ATXN1: variants seen among roughly 807,000 people sequenced by gnomAD.
ATXN1 encodes ataxin 1.
In ATXN1, 8 loss-of-function variants were observed where a neutral mutation model predicts 56.4. The ratio of observed to expected loss-of-function variants is 0.14; its 90% CI spans 0.08 to 0.26. ATXN1 has a LOEUF of 0.26. Among genes scored for constraint, ATXN1 ranks in the 10% least tolerant of loss-of-function variants. The pLI, the probability that ATXN1 is intolerant of heterozygous loss-of-function variation, is 1.00. For missense variants in ATXN1, 987 were observed against 1,106.5 expected, an observed-to-expected ratio of 0.89 and a Z score of 1.53; for synonymous variants, 514 against 494.6, an observed-to-expected ratio of 1.04 and a Z score of -0.52.
chr6:16,348,783 A>C (rs1258747507), intron 6 of ATXN1, among the ~76,000 whole-genome samples: 1 of 152,352 alleles, frequency 6.6e-6, no homozygotes, highest in East Asian at 1.9e-4. Flanking sequence ...CTAGCATGCA[A>C]GCAGGCAGTA....
Position 16,740,691 on chromosome 6 carries a change from T to A in ATXN1, c.-615+12542A>T, listed in dbSNP as rs147946010. 2.3e-4 allele frequency among the ~76,000 whole-genome samples: 35 copies of A among 152,232 alleles called. 1 individual carries two copies. Among genetic ancestry groups the A allele is most frequent in the South Asian group, 1.0e-3 (5 of 4,830 alleles). On this transcript the variant is annotated intron_variant, in intron 2 of 7. Coordinates refer to ENST00000436367, the MANE Select transcript of ATXN1 (RefSeq NM_001128164.2). ...CTATAAAAACATCTAACATATAATT[T>A]TTTATTTATTTATTTATTTTTTTTA...
chr6:16,452,925 A>C (rs1032673477), intron 6 of ATXN1, among the ~76,000 whole-genome samples: 2 of 152,236 alleles, frequency 1.3e-5, no homozygotes, highest in East Asian at 3.8e-4. Flanking sequence ...TTAGCTGACT[A>C]GATTTTTTAA....
intron 3 of ATXN1, among the ~76,000 whole-genome samples, chr6:16,587,888 G>A (rs919588355): frequency 1.9e-4 from 28 of 150,868 alleles, no homozygotes; most frequent in Non-Finnish European, 2.7e-4. Context: ...CTGAGATCGT[G>A]CCATTGCACT....
At chr6:16,552,585 G>A (rs2113729826) in intron 4 of ATXN1, among the ~76,000 whole-genome samples, 1 of 152,174 alleles carries the variant, frequency 6.6e-6, no homozygotes, top group African/African-American at 2.4e-5. Context: ...AGTGTAGGTG[G>A]GTTGCCACTC....
At chr6:16,344,181 C>A (rs1761323273) in intron 6 of ATXN1, among the ~76,000 whole-genome samples, 1 of 152,164 alleles carries the variant, frequency 6.6e-6, no homozygotes, top group East Asian at 1.9e-4. Flanking sequence ...CTCCTTAGCA[C>A]CCTGCTCCAA....
intron 3 of ATXN1, among the ~76,000 whole-genome samples, chr6:16,637,512 A>G (rs1480840054): frequency 6.6e-6 from 1 of 152,060 alleles, no homozygotes; most frequent in African/African-American, 2.4e-5. Context: ...TAAATAAAAT[A>G]AAATAAAAAA....
intron 6 of ATXN1, among the ~76,000 whole-genome samples, chr6:16,453,320 G>T (rs1442691895): frequency 6.6e-6 from 1 of 152,132 alleles, no homozygotes; most frequent in East Asian, 1.9e-4. Flanking sequence ...AATTAGCTGG[G>T]CGTAGTGGCA....
At chr6:16,360,929 A>G (rs2113474668) in intron 6 of ATXN1, among the ~76,000 whole-genome samples, 1 of 152,352 alleles carries the variant, frequency 6.6e-6, no homozygotes, top group East Asian at 1.9e-4. Flanking sequence ...AAGGAATAAC[A>G]CAAGGTAAGA....
At chr6:16,673,014 C>G (rs1758577090) in intron 2 of ATXN1, among the ~76,000 whole-genome samples, 1 of 122,422 alleles carries the variant, frequency 8.2e-6, no homozygotes, top group Non-Finnish European at 1.7e-5. Flanking sequence ...CTCCGTTCCC[C>G]CCCGCCAAAA....
chr6:16,604,089 G>A (rs893301064), intron 3 of ATXN1, among the ~76,000 whole-genome samples: 1 of 152,094 alleles, frequency 6.6e-6, no homozygotes, highest in African/African-American at 2.4e-5. Flanking sequence ...CATGGATAAG[G>A]CTTCGTAAAG....
chr6:16,515,001 T>A (rs1481983443), intron 5 of ATXN1, among the ~76,000 whole-genome samples: 2 of 151,022 alleles, frequency 1.3e-5, no homozygotes, highest in East Asian at 3.9e-4. Context: ...ATAATAATAA[T>A]AATTAATAAT....
intron 5 of ATXN1, among the ~76,000 whole-genome samples, chr6:16,498,910 G>A (rs1760826997): frequency 6.6e-6 from 1 of 152,136 alleles, no homozygotes. Context: ...AGACCCTTAT[G>A]AGATACTGAC....
intron 4 of ATXN1, among the ~76,000 whole-genome samples, chr6:16,572,441 C>T (rs1257283369): frequency 6.6e-6 from 1 of 152,148 alleles, no homozygotes; most frequent in Non-Finnish European, 1.5e-5. Context: ...AATACACCTA[C>T]GGTTCTGCCC....
chr6:16,543,335 C>T (rs2113719331), intron 4 of ATXN1, among the ~76,000 whole-genome samples: 1 of 152,252 alleles, frequency 6.6e-6, no homozygotes, highest in African/African-American at 2.4e-5. Flanking sequence ...TAGAAGTTTA[C>T]AGGCAAAAGT....
intron 6 of ATXN1, among the ~76,000 whole-genome samples, chr6:16,342,796 C>A (rs1434696442): frequency 6.6e-6 from 1 of 152,262 alleles, no homozygotes; most frequent in Middle Eastern, 3.4e-3. Context: ...TCATATGATT[C>A]CCCTTCTATG....
At chr6:16,487,392 ATC>A (rs1256180371) in intron 5 of ATXN1, among the ~76,000 whole-genome samples, 1 of 152,212 alleles carries the variant, frequency 6.6e-6, no homozygotes, top group Non-Finnish European at 1.5e-5. Flanking sequence ...ATAATAACAA[ATC>A]TTAGATTTGG....
intron 1 of ATXN1, among the ~76,000 whole-genome samples, chr6:16,755,150 G>A (rs1009859254): frequency 2.6e-5 from 4 of 152,184 alleles, no homozygotes; most frequent in African/African-American, 9.7e-5. Context: ...TTGCTGAAGT[G>A]CAGAGGAGGG....
chr6:16,468,469 G>A (rs1329105575), intron 6 of ATXN1, among the ~76,000 whole-genome samples: 4 of 152,124 alleles, frequency 2.6e-5, no homozygotes, highest in Non-Finnish European at 5.9e-5. Flanking sequence ...GATTACAGGC[G>A]TGAGCCACCA....
intron 6 of ATXN1, among the ~76,000 whole-genome samples, chr6:16,332,629 G>A (rs148398329): frequency 1.5e-4 from 23 of 152,294 alleles, no homozygotes; most frequent in Non-Finnish European, 2.6e-4. Flanking sequence ...TATGCAGATC[G>A]CACTGTTTAA....
Sources: allele counts gnomAD v4.1 joint callset (sites outside exome capture counted in the v4.1 genomes callset), GRCh38; gene constraint gnomAD v4.1.1; transcripts MANE v1.5; gene names NCBI Gene and HGNC (gene_info 2026-07-23, HGNC 2026-07-21).